PLEKHB2: variants seen among roughly 807,000 people sequenced by gnomAD.
PLEKHB2 encodes the protein pleckstrin homology domain-containing family B member 2.
In PLEKHB2, 31 loss-of-function variants were observed where a neutral mutation model predicts 36.5. The ratio of observed to expected loss-of-function variants is 0.85; its 90% CI spans 0.64 to 1.15. PLEKHB2 has a LOEUF of 1.15. Among genes scored for constraint, PLEKHB2 ranks in the 50% most tolerant of loss-of-function variants. The probability of loss-of-function intolerance (pLI) is 0.00; values close to 1 mark genes in which losing one functional copy is unlikely to be tolerated. For synonymous variants in PLEKHB2, 119 were observed against 112.0 expected (o/e 1.06, Z -0.39); for missense variants, 262 against 295.3 (o/e 0.89, Z 0.83).
intron 1 of PLEKHB2, 64 bp downstream of exon 1, chr2:131,105,462 G>C (rs1694596293): frequency 6.5e-6 from 1 of 152,962 alleles, no homozygotes; most frequent in Admixed American, 6.5e-5. Context: ...CGCCTCTCCA[G>C]ATTCTCCTCT....
intron 1 of PLEKHB2, among the ~76,000 whole-genome samples, chr2:131,111,265 A>G (rs1695289451): frequency 2.0e-5 from 3 of 151,522 alleles, no homozygotes; most frequent in Non-Finnish European, 4.4e-5. Context: ...TCAGCCTCCC[A>G]AAGTGCTGTG....
chr2:131,130,350 A>C (rs1236894176), intron 4 of PLEKHB2, among the ~76,000 whole-genome samples: 1 of 152,154 alleles, frequency 6.6e-6, no homozygotes, highest in Non-Finnish European at 1.5e-5. Flanking sequence ...GGTCCCCAGC[A>C]TTCTTTTTAA....
intron 1 of PLEKHB2, among the ~76,000 whole-genome samples, chr2:131,109,650 A>T (rs533317848): frequency 8.5e-5 from 13 of 152,234 alleles, no homozygotes; most frequent in South Asian, 8.3e-4. Flanking sequence ...AGATCGCGCC[A>T]CTATACTCCA....
At chr2:131,141,288 C>A (rs189334433) in intron 7 of PLEKHB2, among the ~76,000 whole-genome samples, 1 of 152,226 alleles carries the variant, frequency 6.6e-6, no homozygotes. Flanking sequence ...CTAGCACGGA[C>A]TTTGGAGGAT....
chr2:131,146,569 G>A (rs1314739534), intron 7 of PLEKHB2, 68 bp from the exon 8 acceptor site: 2 of 1,502,900 alleles, frequency 1.3e-6, no homozygotes, highest in Non-Finnish European at 1.8e-6. Context: ...AAGGAGAACT[G>A]GTACTTTGCG....
At chr2:131,122,647 C>T (rs1377552663) in intron 2 of PLEKHB2, among the ~76,000 whole-genome samples, 1 of 152,162 alleles carries the variant, frequency 6.6e-6, no homozygotes, top group Non-Finnish European at 1.5e-5. Context: ...AACCTACATT[C>T]AAAGTCAGGA....
intron 1 of PLEKHB2, among the ~76,000 whole-genome samples, chr2:131,111,976 C>T (rs1028873311): frequency 6.6e-6 from 1 of 152,092 alleles, no homozygotes; most frequent in African/African-American, 2.4e-5. Flanking sequence ...CTTACAACTC[C>T]TATTTAATAC....
intron 1 of PLEKHB2, among the ~76,000 whole-genome samples, chr2:131,109,970 C>T (rs529070701): frequency 6.6e-6 from 1 of 151,948 alleles, no homozygotes; most frequent in African/African-American, 2.4e-5. Context: ...AAAAAATTAC[C>T]TGGGTGTGGT....
chr2:131,111,542 G>T (rs1272713199), intron 1 of PLEKHB2, among the ~76,000 whole-genome samples: 1 of 149,026 alleles, frequency 6.7e-6, no homozygotes, highest in African/African-American at 2.5e-5. Context: ...CCAGGCTGGA[G>T]TGCAGTGGCA....
In PLEKHB2 at chr2:131,146,698, C is replaced by G. The variant is rs751457802; in HGVS notation, c.594C>G (p.Asp198Glu). Residue 198 changes from aspartate (D) to glutamate (E), a missense_variant, in exon 8 of 8, where the codon GAC (aspartate) becomes GAG (glutamate). Asp to Glu is a conservative substitution (Grantham distance 45). Coordinates refer to ENST00000693505, the MANE Select transcript of PLEKHB2 (RefSeq NM_001100623.2). ...TTCGAGAGCGCTATCGAGACAACGA[C>G]AGCGACCTGGCACTGGGCATGCTGG... ...VIIRERYRDN[D>E]SDLALGMLAG... 1 of 1,613,858 alleles carries G rather than the reference C, an allele frequency of 6.2e-7. No homozygotes were observed. Among genetic ancestry groups the G allele is most frequent in the Non-Finnish European group, 8.5e-7 (1 of 1,179,788 alleles).
chr2:131,129,490 G>C (rs1159391767), intron 4 of PLEKHB2, among the ~76,000 whole-genome samples: 1 of 151,998 alleles, frequency 6.6e-6, no homozygotes, highest in Admixed American at 6.6e-5. Context: ...AAGGAGTGAG[G>C]GAGTGCACAA....
At chr2:131,132,815 T>G in intron 5 of PLEKHB2, 87 bp from the exon 6 acceptor site, 1 of 742,804 alleles carries the variant, frequency 1.3e-6, no homozygotes, top group Non-Finnish European at 2.3e-6. Flanking sequence ...AAATTTTTAA[T>G]TTGCTAAATA....
intron 6 of PLEKHB2, 118 bp downstream of exon 6, chr2:131,133,109 CAG>C: frequency 4.5e-6 from 3 of 661,154 alleles, no homozygotes; most frequent in Non-Finnish European, 8.1e-6. Context: ...CTTCTTAAAA[CAG>C]ATGATTTCTT....
intron 2 of PLEKHB2, among the ~76,000 whole-genome samples, chr2:131,123,535 G>A (rs1177221936): frequency 3.3e-5 from 5 of 152,230 alleles, no homozygotes; most frequent in Admixed American, 3.3e-4. Flanking sequence ...AGGGCTTTTT[G>A]TTTGTTTGAG....
intron 1 of PLEKHB2, among the ~76,000 whole-genome samples, chr2:131,116,260 C>T (rs1695861894): frequency 6.6e-6 from 1 of 152,126 alleles, no homozygotes. Flanking sequence ...TTTCCCAAGT[C>T]TGCTGTTCAG....
chr2:131,145,600 G>GA, intron 7 of PLEKHB2, among the ~76,000 whole-genome samples: 3 of 152,114 alleles, frequency 2.0e-5, no homozygotes, highest in African/African-American at 7.2e-5. Flanking sequence ...CTCCCAAAGT[G>GA]CTGGCATTAC....
intron 2 of PLEKHB2, among the ~76,000 whole-genome samples, chr2:131,124,172 T>TAGTC (rs113959863): frequency 0.022 from 3,392 of 152,164 alleles, 128 homozygotes; most frequent in African/African-American, 0.077. Context: ...ACAGCTCAGG[T>TAGTC]AGTCAAGTGG....
intron 4 of PLEKHB2, chr2:131,127,040 T>A (rs1697173442): frequency 5.2e-6 from 2 of 385,098 alleles, no homozygotes; most frequent in Non-Finnish European, 9.4e-6. Context: ...TCTTTCATTA[T>A]TAGATTCACA....
intron 6 of PLEKHB2, among the ~76,000 whole-genome samples, chr2:131,139,785 A>G (rs1183028438): frequency 6.6e-6 from 1 of 152,222 alleles, no homozygotes; most frequent in East Asian, 1.9e-4. Flanking sequence ...TGCCTGCAGA[A>G]TAGTGGTTTT....
Sources: gnomAD v4.1 joint callset for allele counts (sites outside exome capture counted in the v4.1 genomes callset) on GRCh38, gnomAD v4.1.1 for gene constraint, MANE v1.5 for transcripts, NCBI Gene and HGNC (gene_info 2026-07-23, HGNC 2026-07-21) for gene names.